Variants in RABGAP1L observed in about 807,000 individuals in gnomAD.
RABGAP1L encodes RAB GTPase activating protein 1 like.
In RABGAP1L, 63 loss-of-function variants were observed where a neutral mutation model predicts 137.7. That is an observed-to-expected ratio of 0.46 (90% CI 0.37 to 0.56). The LOEUF (loss-of-function observed/expected upper bound fraction) is 0.56, where lower values mean the gene tolerates loss of function less well. RABGAP1L is among the 20% of genes least tolerant of loss of function. The pLI, the probability that RABGAP1L is intolerant of heterozygous loss-of-function variation, is 0.00. For missense variants in RABGAP1L, 1,095 were observed against 1,244.0 expected, an observed-to-expected ratio of 0.88 and a Z score of 1.80; for synonymous variants, 431 against 433.7, an observed-to-expected ratio of 0.99 and a Z score of 0.08.
intron 18 of RABGAP1L, among the ~76,000 whole-genome samples, chr1:174,769,862 A>AT (rs1685978111): frequency 3.3e-5 from 5 of 152,120 alleles, no homozygotes; most frequent in Admixed American, 2.6e-4. Flanking sequence ...CAAAAAAAAA[A>AT]GAAAGAAAAG....
At chr1:174,661,409 G>A (rs1480891804) in intron 14 of RABGAP1L, among the ~76,000 whole-genome samples, 3 of 151,530 alleles carry the variant, frequency 2.0e-5, no homozygotes, top group African/African-American at 7.3e-5. Flanking sequence ...AAACGCTTGA[G>A]GAAAAAAGAA....
chr1:174,640,973 TTAA>T (rs1346040744), intron 14 of RABGAP1L, among the ~76,000 whole-genome samples: 1 of 91,800 alleles, frequency 1.1e-5, no homozygotes, highest in Non-Finnish European at 1.9e-5. Context: ...TTTAATTATA[TTAA>T]TTAAATATAA....
chr1:174,934,173 C>T (rs1462636003), intron 19 of RABGAP1L, among the ~76,000 whole-genome samples: 1 of 152,092 alleles, frequency 6.6e-6, no homozygotes, highest in African/African-American at 2.4e-5. Flanking sequence ...ACTGCAACCT[C>T]CACCTCCTGG....
At chr1:174,411,487 G>A (rs1649924756) in intron 13 of RABGAP1L, among the ~76,000 whole-genome samples, 3 of 152,014 alleles carry the variant, frequency 2.0e-5, no homozygotes, top group Non-Finnish European at 4.4e-5. Flanking sequence ...TTATTGAGAT[G>A]ATCACATGGC....
chr1:174,329,683 C>G (rs59949376), intron 11 of RABGAP1L, among the ~76,000 whole-genome samples: 11,133 of 152,170 alleles, frequency 0.073, 608 homozygotes, highest in East Asian at 0.32. Flanking sequence ...ATAAGCAAAT[C>G]AGTAAATGTG....
chr1:174,748,413 C>A (rs1456689364), intron 17 of RABGAP1L, among the ~76,000 whole-genome samples: 1 of 152,144 alleles, frequency 6.6e-6, no homozygotes, highest in East Asian at 1.9e-4. Context: ...TTACTAAACA[C>A]ATATGTAAAC....
chr1:174,758,824 C>T (rs1487924558), intron 18 of RABGAP1L, among the ~76,000 whole-genome samples: 2 of 152,038 alleles, frequency 1.3e-5, no homozygotes, highest in Non-Finnish European at 2.9e-5. Flanking sequence ...AAATAATGTG[C>T]CCTCCCAAAT....
At chr1:174,777,840 A>T (rs1353756219) in intron 18 of RABGAP1L, among the ~76,000 whole-genome samples, 2 of 152,168 alleles carry the variant, frequency 1.3e-5, no homozygotes, top group Non-Finnish European at 2.9e-5. Flanking sequence ...AACTATTCAA[A>T]ATTCAATACA....
At chr1:174,689,955 C>T (rs1220618985) in intron 15 of RABGAP1L, among the ~76,000 whole-genome samples, 1 of 152,114 alleles carries the variant, frequency 6.6e-6, no homozygotes, top group African/African-American at 2.4e-5. Flanking sequence ...AAAGTAAGTC[C>T]TATACTTCCA....
At chr1:174,914,712 T>C (rs999605210) in intron 19 of RABGAP1L, among the ~76,000 whole-genome samples, 13 of 152,310 alleles carry the variant, frequency 8.5e-5, no homozygotes, top group Admixed American at 7.8e-4. Context: ...AAAATTCACC[T>C]GTTTGTGCAA....
At chr1:174,680,049 A>G (rs1171868928) in intron 14 of RABGAP1L, among the ~76,000 whole-genome samples, 3 of 152,240 alleles carry the variant, frequency 2.0e-5, no homozygotes, top group Admixed American at 1.3e-4. Context: ...ATGAACCATA[A>G]AAGACAAAAA....
intron 13 of RABGAP1L, among the ~76,000 whole-genome samples, chr1:174,513,748 C>A (rs1182361943): frequency 6.6e-6 from 1 of 152,122 alleles, no homozygotes; most frequent in African/African-American, 2.4e-5. Flanking sequence ...TCCAGCTTAA[C>A]ATTTTTCACA....
At chr1:174,940,849 G>A (rs1665748089) in intron 19 of RABGAP1L, among the ~76,000 whole-genome samples, 1 of 152,196 alleles carries the variant, frequency 6.6e-6, no homozygotes, top group African/African-American at 2.4e-5. Flanking sequence ...GCAAACATCT[G>A]TTAAGACCAT....
chr1:174,399,525 T>G (rs145462939), intron 13 of RABGAP1L, among the ~76,000 whole-genome samples: 88 of 152,242 alleles, frequency 5.8e-4, no homozygotes, highest in African/African-American at 2.0e-3. Flanking sequence ...AAAAATTGCT[T>G]TATAAAAACC....
chr1:174,924,341 T>A (rs1195382119), intron 19 of RABGAP1L, among the ~76,000 whole-genome samples: 1 of 132,536 alleles, frequency 7.5e-6, no homozygotes. Context: ...GAGCCGAGAT[T>A]GCGCCACTGC....
chr1:174,736,928 C>T (rs1682997921), intron 17 of RABGAP1L, among the ~76,000 whole-genome samples: 1 of 152,172 alleles, frequency 6.6e-6, no homozygotes, highest in Admixed American at 6.5e-5. Context: ...GGGCCTGGCC[C>T]CTGAAGCCAT....
chr1:174,486,223 CTTTTTT>C (rs201692363), intron 13 of RABGAP1L, among the ~76,000 whole-genome samples: 8 of 119,878 alleles, frequency 6.7e-5, no homozygotes, highest in Non-Finnish European at 3.5e-5. Flanking sequence ...GTTCTTTTTT[CTTTTTT>C]TTTTTTTTTT....
At chr1:174,174,227 C>CAA (rs1665653875) in intron 1 of RABGAP1L, among the ~76,000 whole-genome samples, 2 of 129,244 alleles carry the variant, frequency 1.5e-5, no homozygotes. Flanking sequence ...CACACACACA[C>CAA]ACACACAACT....
chr1:174,655,568 G>A (rs1639912875), intron 14 of RABGAP1L, among the ~76,000 whole-genome samples: 1 of 152,100 alleles, frequency 6.6e-6, no homozygotes, highest in East Asian at 1.9e-4. Context: ...TTAATAAGGT[G>A]TGTCTACCAG....
Sources: allele counts gnomAD v4.1 joint callset (sites outside exome capture counted in the v4.1 genomes callset), GRCh38; gene constraint gnomAD v4.1.1; transcripts MANE v1.5; gene names NCBI Gene and HGNC (gene_info 2026-07-23, HGNC 2026-07-21).